Variants in GATA5 observed in about 807,000 individuals in gnomAD.
GATA5 encodes transcription factor GATA-5.
Under a neutral mutation model 35.0 loss-of-function variants are expected in GATA5, and 27 were observed. The observed-to-expected ratio is 0.77, with a 90% confidence interval of 0.57 to 1.06. The LOEUF (loss-of-function observed/expected upper bound fraction) is 1.06. Ranked by LOEUF, GATA5 falls within the 50% of genes least tolerant of loss-of-function variation. GATA5 has a pLI of 0.00. For synonymous variants in GATA5, 306 were observed against 267.8 expected (o/e 1.14, Z -1.39); for missense variants, 612 against 580.0 (o/e 1.06, Z -0.57).
chr20:62,470,376 C>A lies in GATA5; in HGVS notation c.699+3027G>T, dbSNP rs572837525. 1.8e-4 allele frequency among the ~76,000 whole-genome samples: 27 copies of A among 152,350 alleles called. No individual in the cohort carries two copies. Among genetic ancestry groups the A allele is most frequent in the Non-Finnish European group, 4.0e-4 (27 of 68,032 alleles). Reference sequence around the variant, plus strand: ...CCGTGGACAACCAGAGGCTGCTGTGCCGCAGAGTCTGAGCCTTGGGGACGG... The same window carrying A: ...CCGTGGACAACCAGAGGCTGCTGTGACGCAGAGTCTGAGCCTTGGGGACGG... On this transcript the variant is annotated intron_variant, in intron 3 of 6. Coordinates refer to ENST00000252997, the MANE Select transcript of GATA5 (RefSeq NM_080473.5). The surrounding 1 kb of genome is among the most constrained non-coding windows in gnomAD (Gnocchi z 4.6).
At chr20:62,468,074 C>T (rs993542920) in intron 3 of GATA5, among the ~76,000 whole-genome samples, 8 of 142,628 alleles carry the variant, frequency 5.6e-5, no homozygotes, top group Non-Finnish European at 1.0e-4. Flanking sequence ...TCGGCTTCCC[C>T]GTCTGTTACA....
In GATA5 at chr20:62,473,408, G is replaced by T. The variant is rs114309782; in HGVS notation, c.694C>A (p.Arg232Ser). The T allele has an allele frequency of 1.9e-6, 3 of 1,604,534 alleles. No homozygotes were observed. The highest frequency in any genetic ancestry group is 2.2e-5 in the South Asian group (2 of 89,568). ...TCTGCCCAGCCCGAACTCACCAGGC[G>T]CTTCTGAGGCCGAACGAGCGGCCGG... The part of the protein sequence containing the change: ...VNRPLVRPQK[R>S]LSSSRRAGLC... The change falls in exon 3 of 7, where the codon CGC (arginine) becomes AGC (serine). Residue 232 changes from arginine (R) to serine (S), a missense_variant. By Grantham distance (110) the Arg-to-Ser change is moderately radical. Transcript: ENST00000252997.
intron 3 of GATA5, 149 bp from the exon 4 acceptor site, chr20:62,466,700 G>A (rs1555896140): frequency 2.3e-6 from 2 of 868,458 alleles, no homozygotes; most frequent in South Asian, 1.8e-5. Context: ...TGGCAGCTCT[G>A]CCTGGACACG....
rs142134786 is a variant in GATA5, at chr20:62,472,302, C to T, written c.699+1101G>A. ...CTGTGGTCCTGCTTCCCACCACCTG[C>T]TCCACTGGGACCTCCCACGCTCAGG... On this transcript the variant is annotated intron_variant, in intron 3 of 6. Coordinates refer to ENST00000252997, the MANE Select transcript of GATA5 (RefSeq NM_080473.5). Among the ~76,000 whole-genome samples the T allele has an allele frequency of 8.8e-4, 134 of 152,336 alleles. No individual in the cohort carries two copies. In the Middle Eastern group the frequency reaches 0.014, roughly 15 times the overall value.
chr20:62,472,718 C>G (rs1183464005), intron 3 of GATA5, among the ~76,000 whole-genome samples: 1 of 152,238 alleles, frequency 6.6e-6, no homozygotes, highest in Non-Finnish European at 1.5e-5. Context: ...CCTCTTCCAG[C>G]CTCTGGGGAC....
Position 62,475,027 on chromosome 20 carries a change from G to C in GATA5, c.495C>G (p.His165Gln). 7.2e-7 allele frequency: 1 copy of C among 1,389,146 alleles called. No homozygotes were observed. Among genetic ancestry groups the C allele is most frequent in the Non-Finnish European group, 9.4e-7 (1 of 1,066,752 alleles). 86.1% of individuals were successfully genotyped at this position (1,389,146 alleles called of 1,614,324 possible). ...TAGPFDGSVL[H>Q]GLPGRRPTFV... is the part of the protein sequence containing the mutation. ...AGGTGGGCCTGCGGCCTGGGAGGCC[G>C]TGCAGGACGCTGCCATCGAAGGGCC... The change falls in exon 2 of 7, where the codon CAC becomes CAG. Residue 165 changes from histidine to glutamine, a missense_variant. His to Gln is a conservative substitution (Grantham distance 24, BLOSUM62 0). Coordinates refer to ENST00000252997, the MANE Select transcript of GATA5 (RefSeq NM_080473.5).
At chr20:62,467,597 C>G (rs1354769598) in intron 3 of GATA5, among the ~76,000 whole-genome samples, 1 of 152,240 alleles carries the variant, frequency 6.6e-6, no homozygotes, top group Non-Finnish European at 1.5e-5. Context: ...CAGCCCCTGC[C>G]TGGTCCAGGT....
At position 62,464,912 on chromosome 20, in the gene GATA5, G is replaced by A; in HGVS notation, c.1118C>T (p.Ser373Phe). The A allele has an allele frequency of 6.2e-7, 1 of 1,611,456 alleles. No individual in the cohort carries two copies. The highest frequency in any genetic ancestry group is 1.3e-5 in the African/African-American group (1 of 74,880). ...KFEPEDFAFP[S>F]TAPSPQAGLR... The stretch of plus-strand genomic sequence containing the variant: ...GCCAGCCTGGGGGCTTGGGGCCGTG[G>A]AGGGGAAGGCAAAGTCCTCAGGCTC... The change falls in exon 7 of 7, where the codon TCC (serine) becomes TTC (phenylalanine). Residue 373 changes from serine (S) to phenylalanine (F), a missense_variant. By Grantham distance (155) the Ser-to-Phe change is radical. Coordinates refer to ENST00000252997, the MANE Select transcript of GATA5 (RefSeq NM_080473.5).
chr20:62,472,268 G>GC (rs1989741452), intron 3 of GATA5, among the ~76,000 whole-genome samples: 1 of 152,090 alleles, frequency 6.6e-6, no homozygotes, highest in South Asian at 2.1e-4. Context: ...AGTGACGGCC[G>GC]CCCCCGGCCT....
At chr20:62,474,439 G>A (rs2146489512) in intron 2 of GATA5, among the ~76,000 whole-genome samples, 1 of 152,364 alleles carries the variant, frequency 6.6e-6, no homozygotes, top group South Asian at 2.1e-4. Context: ...GGAGCTGGGT[G>A]TCGAGGCCTC....
chr20:62,470,241 C>G lies in GATA5; in HGVS notation c.699+3162G>C, dbSNP rs1569046602. Among the ~76,000 whole-genome samples the G allele has an allele frequency of 6.6e-6, 1 of 152,162 alleles. No individual in the cohort carries two copies. Among genetic ancestry groups the G allele is most frequent in the Non-Finnish European group, 1.5e-5 (1 of 68,026 alleles). ...GGAAGGCGGGAGAGGGAAGGAGGTT[C>G]GAGCCTGGCTTGGAGGGATGAAGCG... is the stretch of plus-strand genomic sequence containing the variant. On this transcript the variant is annotated intron_variant, in intron 3 of 6. Coordinates refer to ENST00000252997, the MANE Select transcript of GATA5 (RefSeq NM_080473.5). The surrounding 1 kb of genome is among the most constrained non-coding windows in gnomAD (Gnocchi z 4.6).
chr20:62,471,370 A>T (rs4422227), intron 3 of GATA5, among the ~76,000 whole-genome samples: 90,157 of 149,756 alleles, frequency 0.6, 27,343 homozygotes, highest in Middle Eastern at 0.7. Flanking sequence ...TCTCTTTTTT[A>T]AAAAAAAATT....
At chr20:62,467,850 A>G (rs1227376854) in intron 3 of GATA5, among the ~76,000 whole-genome samples, 1 of 152,222 alleles carries the variant, frequency 6.6e-6, no homozygotes, top group Non-Finnish European at 1.5e-5. Context: ...GGCTGAGCAG[A>G]CACAGCCAGC....
intron 6 of GATA5, 123 bp downstream of exon 6, chr20:62,465,217 G>A: frequency 8.8e-7 from 1 of 1,136,716 alleles, no homozygotes; most frequent in Non-Finnish European, 1.2e-6. Context: ...GATGGCCGAA[G>A]GCAGCCGGTG....
At chr20:62,465,017 TGTGGG>T in intron 6 of GATA5, 26 bp from the exon 7 acceptor site, 4 of 1,014,060 alleles carry the variant, frequency 3.9e-6, no homozygotes, top group Non-Finnish European at 5.3e-6. Context: ...AGCGTGAGAA[TGTGGG>T]GTGGGGCGTG....
intron 3 of GATA5, among the ~76,000 whole-genome samples, chr20:62,473,170 G>A (rs1989762745): frequency 6.6e-6 from 1 of 152,238 alleles, no homozygotes; most frequent in Non-Finnish European, 1.5e-5. Flanking sequence ...AGGGCTGGGC[G>A]CTATGAGCTG....
Position 62,466,437 on chromosome 20 carries a change from T to C in GATA5, c.814A>G (p.Lys272Glu). The part of the protein sequence containing the change: ...PVCNACGLYM[K>E]LHGVPRPLAM... ...GGGACCACACTCACCCCGTGCAGCT[T>C]CATGTAGAGGCCGCAGGCATTGCAC... The change falls in exon 4 of 7, where the codon AAG (lysine) becomes GAG (glutamate). Residue 272 changes from lysine (K) to glutamate (E), a missense_variant. By Grantham distance (56) the Lys-to-Glu change is moderately conservative (BLOSUM62 1). Transcript: ENST00000252997. 8 of 1,586,692 alleles carry C rather than the reference T, an allele frequency of 5.0e-6. No homozygotes were observed. The highest frequency in any genetic ancestry group is 6.9e-6 in the Non-Finnish European group (8 of 1,166,976).
chr20:62,467,472 C>G (rs984745852), intron 3 of GATA5, among the ~76,000 whole-genome samples: 1 of 152,240 alleles, frequency 6.6e-6, no homozygotes, highest in Non-Finnish European at 1.5e-5. Flanking sequence ...CACAGCTCTG[C>G]TGGTGGCACC....
In GATA5 at chr20:62,473,564, C is replaced by A. The variant is rs1555896801; in HGVS notation, c.538G>T (p.Glu180Ter). The A allele has an allele frequency of 1.3e-6, 2 of 1,596,124 alleles. No homozygotes were observed. Among genetic ancestry groups the A allele is most frequent in the South Asian group, 1.1e-5 (1 of 88,564 alleles). The stretch of plus-strand genomic sequence containing the variant: ...TCACGACCCTCACCCGGGAACTCCT[C>A]CAAGAAGTCGGACACTGAGGGGACA... ...RRPTFVSDFL[E>*]EFPGEGRECV... The change falls in exon 3 of 7, where the codon GAG (glutamate) becomes TAG (stop). Residue 180 changes from glutamate to a stop codon, truncating the protein, a stop_gained. Coordinates refer to ENST00000252997, the MANE Select transcript of GATA5 (RefSeq NM_080473.5). LOFTEE classifies it high-confidence loss of function.
Sources: gnomAD v4.1 joint callset for allele counts (sites outside exome capture counted in the v4.1 genomes callset) on GRCh38, gnomAD v4.1.1 for gene constraint, Gnocchi (gnomAD v3.1) non-coding constraint, MANE v1.5 for transcripts, NCBI Gene and HGNC (gene_info 2026-07-23, HGNC 2026-07-21) for gene names.